DOT1L: variants seen among roughly 807,000 people sequenced by gnomAD.
DOT1L encodes histone-lysine N-methyltransferase, H3 lysine-79 specific.
Under a neutral mutation model 153.3 loss-of-function variants are expected in DOT1L, and 33 were observed. That is an observed-to-expected ratio of 0.22 (90% CI 0.16 to 0.29). The LOEUF (loss-of-function observed/expected upper bound fraction) is 0.29, where lower values mean the gene tolerates loss of function less well. DOT1L is among the 10% of genes least tolerant of loss of function. The pLI, the probability that DOT1L is intolerant of heterozygous loss-of-function variation, is 1.00. For synonymous variants in DOT1L, 1,135 were observed against 965.1 expected (o/e 1.18, Z -3.26); for missense variants, 1,847 against 2,119.9 (o/e 0.87, Z 2.53).
rs1428709693 is a variant in DOT1L at position 2,208,575 on chromosome 19, G to A, written c.964-360G>A. Among the ~76,000 whole-genome samples, 3 of 152,214 alleles carry A rather than the reference G, an allele frequency of 2.0e-5. No homozygotes were observed. Among genetic ancestry groups the A allele is most frequent in the Admixed American group, 6.5e-5 (1 of 15,288 alleles). On this transcript the variant is annotated intron_variant, in intron 11 of 27. Transcript: ENST00000398665. The surrounding 1 kb of genome is among the most constrained non-coding windows in gnomAD (Gnocchi z 4.4). The stretch of plus-strand genomic sequence containing the variant: ...CTGCTGCTTCAGCTGCCCTGGCACT[G>A]ACGCCCTCGGCGCAGCCTCTCGCCT...
intron 5 of DOT1L, among the ~76,000 whole-genome samples, chr19:2,192,244 A>C (rs2022826760): frequency 6.6e-6 from 1 of 152,270 alleles, no homozygotes; most frequent in African/African-American, 2.4e-5. Flanking sequence ...CTGTCATCTT[A>C]GCACTTGGAA....
rs1335745233 is a variant in DOT1L at position 2,226,970 on chromosome 19, C to T, written c.4449C>T (p.Ala1483=). The change falls in exon 27 of 28, where the codon GCC becomes GCT. Residue 1483 remains alanine (A), a synonymous_variant. Coordinates refer to ENST00000398665, the MANE Select transcript of DOT1L (RefSeq NM_032482.3). ...QFALGPMSLQ[A]NLGSVAGSSV... The stretch of plus-strand genomic sequence containing the variant: ...CGCTCGGCCCCATGTCCCTGCAGGC[C>T]AACCTCGGCTCCGTGGCCGGCTCCT... 5.0e-6 allele frequency: 8 copies of T among 1,591,612 alleles called. No individual in the cohort carries two copies. Among genetic ancestry groups the T allele is most frequent in the Non-Finnish European group, 6.8e-6 (8 of 1,176,586 alleles).
In DOT1L at chr19:2,190,167, C is replaced by A. The variant is rs1342123167; in HGVS notation, c.264+372C>A. Among the ~76,000 whole-genome samples the A allele has an allele frequency of 2.0e-5, 3 of 152,142 alleles. No homozygotes were observed. The highest frequency in any genetic ancestry group is 2.9e-5 in the Non-Finnish European group (2 of 68,018). ...CTTCCCCCTTGGACCTCCCCCACAC[C>A]GCCTGCCTTCATCAGGCTGGATGCC... On this transcript the variant is annotated intron_variant, in intron 4 of 27. Transcript: ENST00000398665. This position sits in a 1 kb window ranked among gnomAD's most constrained non-coding sequence, Gnocchi z 4.8.
chr19:2,190,060 C>T lies in DOT1L; in HGVS notation c.264+265C>T, dbSNP rs985759511. Among the ~76,000 whole-genome samples the T allele has an allele frequency of 6.6e-6, 1 of 152,148 alleles. No homozygotes were observed. Among genetic ancestry groups the T allele is most frequent in the Non-Finnish European group, 1.5e-5 (1 of 68,010 alleles). On this transcript the variant is annotated intron_variant, in intron 4 of 27. Coordinates refer to ENST00000398665, the MANE Select transcript of DOT1L (RefSeq NM_032482.3). The surrounding 1 kb of genome is among the most constrained non-coding windows in gnomAD (Gnocchi z 4.8). ...CCCTGAGGGTTGTGGTGTCTGCACACGCCTCTGCAGCCCTGGGTTGGTGTC... is the reference window on the plus strand; with the variant it reads ...CCCTGAGGGTTGTGGTGTCTGCACATGCCTCTGCAGCCCTGGGTTGGTGTC...
rs1401382710 is a variant in DOT1L at position 2,226,845 on chromosome 19, C to T, written c.4324C>T (p.Pro1442Ser). 6 of 1,579,350 alleles carry T rather than the reference C, an allele frequency of 3.8e-6. No homozygotes were observed. The highest frequency in any genetic ancestry group is 5.1e-6 in the Non-Finnish European group (6 of 1,171,214). Reference sequence around the variant, plus strand: ...GCCTCCCGGAAGCCTCCTCAGCGGCCCCGGCCTGGCCCCGGCGGCGTCCTC... The same window carrying T: ...GCCTCCCGGAAGCCTCCTCAGCGGCTCCGGCCTGGCCCCGGCGGCGTCCTC... ...AVPPGSLLSG[P>S]GLAPAASSAG... The change falls in exon 27 of 28, where the codon CCC becomes TCC. Residue 1442 changes from proline to serine, a missense_variant. Physicochemically the swap from Pro to Ser is moderately conservative, Grantham distance 74 (BLOSUM62 -1). This residue lies in a region of DOT1L where 934 missense variants were observed against 825.3 expected (regional missense o/e 1.13). Coordinates refer to ENST00000398665, the MANE Select transcript of DOT1L (RefSeq NM_032482.3).
rs149600670 is a variant in DOT1L at position 2,192,542 on chromosome 19, G to A, written c.494-1147G>A. ...ACAAAAATCAGTTGGGTGTGGTGGCGCGCGCCTGTAATCCCAGCTACTTGG... is the reference window on the plus strand; with the variant it reads ...ACAAAAATCAGTTGGGTGTGGTGGCACGCGCCTGTAATCCCAGCTACTTGG... On this transcript the variant is annotated intron_variant, in intron 5 of 27. Transcript: ENST00000398665. Among the ~76,000 whole-genome samples, 17 of 151,720 alleles carry A rather than the reference G, an allele frequency of 1.1e-4. No homozygotes were observed. In the East Asian group the frequency reaches 1.6e-3, roughly 14 times the overall value.
chr19:2,227,786 C>G (rs1386548386), intron 27 of DOT1L: 1 of 1,314,632 alleles, frequency 7.6e-7, no homozygotes, highest in Non-Finnish European at 1.0e-6. Flanking sequence ...CGTTTGGAGC[C>G]CGTGTCGGCC....
intron 23 of DOT1L, 100 bp from the exon 24 acceptor site, chr19:2,221,876 T>C (rs1373706233): frequency 8.1e-7 from 1 of 1,241,546 alleles, no homozygotes; most frequent in Non-Finnish European, 1.1e-6. Context: ...TCCCCGCCTC[T>C]CCTGGAGCCC....
chr19:2,202,878 T>G, intron 9 of DOT1L, 99 bp downstream of exon 9: 1 of 1,237,514 alleles, frequency 8.1e-7, no homozygotes, highest in Non-Finnish European at 1.2e-6. Context: ...CAGCTCAGAC[T>G]TGGGGTCTTC....
intron 18 of DOT1L, 164 bp downstream of exon 18, chr19:2,214,150 C>T: frequency 8.1e-7 from 1 of 1,233,472 alleles, no homozygotes; most frequent in Non-Finnish European, 1.1e-6. Context: ...CGCGTCACAG[C>T]AGGCAGGCCT....
Position 2,204,199 on chromosome 19 carries a change from G to C in DOT1L, c.787+1420G>C, listed in dbSNP as rs949767375. Reference sequence around the variant, plus strand: ...CGTGTCTCTGTGTGCGTGCCTGTGCGTGCCTGTGTCTGCATGTCTGTGCCT... The same window carrying C: ...CGTGTCTCTGTGTGCGTGCCTGTGCCTGCCTGTGTCTGCATGTCTGTGCCT... On this transcript the variant is annotated intron_variant, in intron 9 of 27. Coordinates refer to ENST00000398665, the MANE Select transcript of DOT1L (RefSeq NM_032482.3). The surrounding 1 kb of genome is among the most constrained non-coding windows in gnomAD (Gnocchi z 5.7). 6.6e-6 allele frequency among the ~76,000 whole-genome samples: 1 copy of C among 151,892 alleles called. No individual in the cohort carries two copies. Among genetic ancestry groups the C allele is most frequent in the East Asian group, 1.9e-4 (1 of 5,182 alleles).
intron 3 of DOT1L, among the ~76,000 whole-genome samples, chr19:2,186,366 G>C (rs1176409327): frequency 6.6e-6 from 1 of 152,170 alleles, no homozygotes; most frequent in African/African-American, 2.4e-5. Flanking sequence ...ATTTCGCCCT[G>C]GCAGCTCCTG....
intron 3 of DOT1L, among the ~76,000 whole-genome samples, chr19:2,189,119 G>C (rs560658357): frequency 6.6e-6 from 1 of 152,000 alleles, no homozygotes; most frequent in African/African-American, 2.4e-5. Context: ...CACTGCTGAC[G>C]TGACACACTG....
intron 2 of DOT1L, among the ~76,000 whole-genome samples, chr19:2,184,307 C>T (rs1050897178): frequency 4.5e-4 from 68 of 152,010 alleles, no homozygotes; most frequent in African/African-American, 1.3e-3. Flanking sequence ...ATGCTGGGGA[C>T]GGGTGACGAG....
rs2019809023 is a variant in DOT1L, at chr19:2,163,970, C to T, written c.-215C>T. ...TCACGCCGGCCCAAGATGGCGGAGGCGCTGGAGGCCCCGGGCCTGTGACTA... is the reference window on the plus strand; with the variant it reads ...TCACGCCGGCCCAAGATGGCGGAGGTGCTGGAGGCCCCGGGCCTGTGACTA... On this transcript the variant is annotated 5_prime_UTR_variant, in exon 1 of 28. Transcript: ENST00000398665. Among the ~76,000 whole-genome samples the T allele has an allele frequency of 1.3e-5, 2 of 149,614 alleles. No homozygotes were observed. The highest frequency in any genetic ancestry group is 2.1e-4 in the South Asian group (1 of 4,828).
rs928123652 is a variant in DOT1L at position 2,220,365 on chromosome 19, T to C, written c.2806+143T>C. 3.7e-6 allele frequency: 3 copies of C among 812,000 alleles called. No individual in the cohort carries two copies. In the Admixed American group the frequency reaches 6.0e-5, roughly 16 times the overall value. The allele number at this position is 812,000 out of a possible 1,614,324, so 50.3% of individuals were successfully genotyped here. A position where few individuals can be genotyped will look rare whatever the true frequency, so the allele number is the denominator to read the frequency against. On this transcript the variant is annotated intron_variant, in intron 23 of 27. Transcript: ENST00000398665. This position sits in a 1 kb window ranked among gnomAD's most constrained non-coding sequence, Gnocchi z 4.5. ...GCCCCAAACCGCCACGCCTCATTAC[T>C]GACACCCTTTCCTGCATCCCACGAG... is the stretch of plus-strand genomic sequence containing the variant.
At chr19:2,174,210 G>C (rs966446140) in intron 1 of DOT1L, among the ~76,000 whole-genome samples, 1 of 152,138 alleles carries the variant, frequency 6.6e-6, no homozygotes, top group Non-Finnish European at 1.5e-5. Flanking sequence ...CCTGGCTCTC[G>C]GGCAGCACCG....
chr19:2,177,538 C>T (rs181221498), intron 1 of DOT1L, among the ~76,000 whole-genome samples: 18 of 152,186 alleles, frequency 1.2e-4, no homozygotes, highest in East Asian at 9.7e-4. Context: ...AGTGATAGAG[C>T]TAATATTTGT....
intron 1 of DOT1L, among the ~76,000 whole-genome samples, chr19:2,165,769 ATTT>A (rs34978235): frequency 6.4e-5 from 9 of 139,550 alleles, no homozygotes; most frequent in Admixed American, 1.4e-4. Flanking sequence ...ATGGCTTCAC[ATTT>A]TTTTTTTTTT....
Sources: allele counts gnomAD v4.1 joint callset (sites outside exome capture counted in the v4.1 genomes callset), GRCh38; gene constraint gnomAD v4.1.1; regional missense constraint gnomAD v4.1.1; non-coding constraint Gnocchi (gnomAD v3.1); transcripts MANE v1.5; gene names NCBI Gene and HGNC (gene_info 2026-07-23, HGNC 2026-07-21).